The following NSMCE2 variants were observed in gnomAD, a reference collection of about 807,000 sequenced individuals.
NSMCE2 encodes E3 SUMO-protein ligase NSE2.
NSMCE2 carries 24 observed loss-of-function variants against 23.8 expected under a neutral mutation model. That is an observed-to-expected ratio of 1.01 (90% CI 0.73 to 1.42). The LOEUF is 1.42. Among genes scored for constraint, NSMCE2 ranks in the 40% most tolerant of loss-of-function variants. NSMCE2 has a pLI of 0.00. For synonymous variants in NSMCE2, 92 were observed against 94.1 expected (o/e 0.98, Z 0.13); for missense variants, 284 against 296.5 (o/e 0.96, Z 0.31).
intron 3 of NSMCE2, among the ~76,000 whole-genome samples, chr8:125,108,153 A>G (rs1025175695): frequency 1.3e-5 from 2 of 152,240 alleles, no homozygotes; most frequent in African/African-American, 4.8e-5. Flanking sequence ...AATGGCTCAG[A>G]AGACCACACT....
chr8:125,351,850 A>G (rs1020154037), intron 5 of NSMCE2, among the ~76,000 whole-genome samples: 7 of 152,040 alleles, frequency 4.6e-5, no homozygotes, highest in African/African-American at 1.4e-4. Context: ...CATCTCTACT[A>G]AAAATACACA....
At chr8:125,295,928 C>T (rs912573268) in intron 5 of NSMCE2, among the ~76,000 whole-genome samples, 3 of 152,162 alleles carry the variant, frequency 2.0e-5, no homozygotes, top group Non-Finnish European at 2.9e-5. Context: ...AGATCTTAAA[C>T]TACTGCATAA....
intron 5 of NSMCE2, among the ~76,000 whole-genome samples, chr8:125,288,571 C>G (rs910411104): frequency 2.6e-5 from 4 of 152,194 alleles, no homozygotes; most frequent in Non-Finnish European, 4.4e-5. Context: ...CCTGGCAAAT[C>G]TCTGTACTTA....
intron 3 of NSMCE2, among the ~76,000 whole-genome samples, chr8:125,140,125 A>G (rs952859239): frequency 6.6e-6 from 1 of 152,164 alleles, no homozygotes; most frequent in Non-Finnish European, 1.5e-5. Flanking sequence ...TACTGTTAGA[A>G]TTTTTCAACC....
intron 3 of NSMCE2, among the ~76,000 whole-genome samples, chr8:125,104,238 C>T (rs928840445): frequency 3.3e-5 from 5 of 152,140 alleles, no homozygotes; most frequent in African/African-American, 9.7e-5. Context: ...AATCCGCCTG[C>T]CTTGGCCTTC....
chr8:125,305,002 GGAAGGAAAGAAA>G (rs1828703706), intron 5 of NSMCE2, among the ~76,000 whole-genome samples: 1 of 151,380 alleles, frequency 6.6e-6, no homozygotes, highest in Non-Finnish European at 1.5e-5. Context: ...AGGGAAGGAA[GGAAGGAAAGAAA>G]GAAGGAAGGA....
intron 5 of NSMCE2, among the ~76,000 whole-genome samples, chr8:125,336,888 A>G (rs10100121): frequency 0.44 from 66,936 of 152,088 alleles, 17,019 homozygotes; most frequent in East Asian, 0.55. Flanking sequence ...TATTGGCAAC[A>G]TAGGCATTCA....
chr8:125,116,379 G>A (rs1476543757), intron 3 of NSMCE2, among the ~76,000 whole-genome samples: 1 of 152,052 alleles, frequency 6.6e-6, no homozygotes, highest in Non-Finnish European at 1.5e-5. Context: ...TTAAAAATGA[G>A]ATCAAAGATT....
intron 5 of NSMCE2, among the ~76,000 whole-genome samples, chr8:125,296,429 C>T (rs1223416604): frequency 7.8e-6 from 1 of 127,974 alleles, no homozygotes; most frequent in East Asian, 2.3e-4. Context: ...GAGTCTTGCT[C>T]TGTCACCCAG....
At chr8:125,257,522 CTTTTTTTTTTTT>C (rs1174718163) in intron 5 of NSMCE2, among the ~76,000 whole-genome samples, 25 of 84,634 alleles carry the variant, frequency 3.0e-4, no homozygotes, top group African/African-American at 4.9e-4. Context: ...CCAAATTTCT[CTTTTTTTTTTTT>C]TTTTTTTTTT....
intron 1 of NSMCE2, among the ~76,000 whole-genome samples, chr8:125,098,932 A>C (rs1421416013): frequency 1.3e-5 from 2 of 152,120 alleles, no homozygotes; most frequent in Non-Finnish European, 2.9e-5. Context: ...GATGGAAAAG[A>C]GAGATCAGAG....
intron 4 of NSMCE2, among the ~76,000 whole-genome samples, chr8:125,180,845 A>G (rs1822770521): frequency 1.3e-5 from 2 of 152,352 alleles, no homozygotes; most frequent in South Asian, 4.1e-4. Context: ...ATTTGGAGCT[A>G]ATAAGATTAA....
chr8:125,151,164 CT>C lies in NSMCE2; in HGVS notation c.158-4del, dbSNP rs752728698. The C allele has an allele frequency of 4.7e-6, 7 of 1,498,196 alleles. No individual in the cohort carries two copies. In the Admixed American group the frequency reaches 9.4e-5, roughly 20 times the overall value. The allele number at this position is 1,498,196 out of a possible 1,614,324, so 92.8% of individuals were successfully genotyped here. ...AAAATAATAATTGCAATTTTTTTTT[CT>C]TTCAGCTGAAGTGAGTAGTGAATAT... is the stretch of plus-strand genomic sequence containing the variant. On this transcript the variant is annotated splice_polypyrimidine_tract_variant and splice_region_variant and intron_variant, in intron 3 of 7. Coordinates refer to ENST00000287437, the MANE Select transcript of NSMCE2 (RefSeq NM_173685.4).
intron 3 of NSMCE2, among the ~76,000 whole-genome samples, chr8:125,127,981 C>CA (rs1317538527): frequency 6.6e-6 from 1 of 152,098 alleles, no homozygotes; most frequent in Non-Finnish European, 1.5e-5. Context: ...TGTCAGCGCT[C>CA]AAAAAAGCTT....
chr8:125,334,937 G>A (rs1388557499), intron 5 of NSMCE2, among the ~76,000 whole-genome samples: 1 of 151,424 alleles, frequency 6.6e-6, no homozygotes, highest in African/African-American at 2.4e-5. Context: ...TTATTTTTTT[G>A]TAGAGGCGGA....
chr8:125,108,075 C>T (rs1818555482), intron 3 of NSMCE2, among the ~76,000 whole-genome samples: 1 of 152,008 alleles, frequency 6.6e-6, no homozygotes, highest in Non-Finnish European at 1.5e-5. Flanking sequence ...TAGTTTCGAC[C>T]CATGGATCCC....
intron 5 of NSMCE2, among the ~76,000 whole-genome samples, chr8:125,269,052 A>T (rs1030954950): frequency 1.3e-5 from 2 of 152,128 alleles, no homozygotes; most frequent in African/African-American, 4.8e-5. Flanking sequence ...TTATTACCCA[A>T]AATGGATTAA....
intron 5 of NSMCE2, among the ~76,000 whole-genome samples, chr8:125,307,713 A>G (rs556494560): frequency 6.6e-6 from 1 of 152,296 alleles, no homozygotes; most frequent in South Asian, 2.1e-4. Flanking sequence ...AAAACCCCAC[A>G]AAGTAGAGGT....
intron 3 of NSMCE2, among the ~76,000 whole-genome samples, chr8:125,112,285 G>A (rs572621320): frequency 5.9e-5 from 9 of 152,326 alleles, no homozygotes; most frequent in African/African-American, 1.9e-4. Context: ...AAACCCTTGT[G>A]TATTGTTGGT....
Sources: gnomAD v4.1 joint callset for allele counts (sites outside exome capture counted in the v4.1 genomes callset) on GRCh38, gnomAD v4.1.1 for gene constraint, MANE v1.5 for transcripts, NCBI Gene and HGNC (gene_info 2026-07-23, HGNC 2026-07-21) for gene names.